Variants in JAK2 observed in about 807,000 individuals in gnomAD.
The protein encoded by JAK2 is tyrosine-protein kinase JAK2.
JAK2 carries 86 observed loss-of-function variants against 139.3 expected under a neutral mutation model. That is an observed-to-expected ratio of 0.62 (90% CI 0.52 to 0.74). The LOEUF (loss-of-function observed/expected upper bound fraction) is 0.74. JAK2 is among the 30% of genes least tolerant of loss of function. JAK2 has a pLI of 0.00. For synonymous variants in JAK2, 490 were observed against 437.7 expected (o/e 1.12, Z -1.49); for missense variants, 1,421 against 1,360.3 (o/e 1.04, Z -0.70).
rs994654346 is a variant in JAK2 at position 5,054,418 on chromosome 9, G to T, written c.615-145G>T. 7 of 612,232 alleles carry T rather than the reference G, an allele frequency of 1.1e-5. No homozygotes were observed. The highest frequency in any genetic ancestry group is 6.0e-5 in the Admixed American group (2 of 33,578). The allele number at this position is 612,232 out of a possible 1,614,324, so 37.9% of individuals were successfully genotyped here. Reference sequence around the variant, plus strand: ...AAAGTTTTATACTGTATGGATGGGGGTTATGTCAACTTACGCCACTTGGCC... The same window carrying T: ...AAAGTTTTATACTGTATGGATGGGGTTTATGTCAACTTACGCCACTTGGCC... On this transcript the variant is annotated intron_variant, in intron 6 of 24. Coordinates refer to ENST00000381652, the MANE Select transcript of JAK2 (RefSeq NM_004972.4). This position sits in a 1 kb window ranked among gnomAD's most constrained non-coding sequence, Gnocchi z 4.9.
At chr9:5,081,923 C>G in intron 19 of JAK2, 62 bp downstream of exon 19, 1 of 1,367,572 alleles carries the variant, frequency 7.3e-7, no homozygotes, top group Non-Finnish European at 1.0e-6. Context: ...AACTTAAGAG[C>G]GTTTCTAAAG....
At chr9:5,050,204 A>G (rs1817315793) in intron 5 of JAK2, among the ~76,000 whole-genome samples, 2 of 152,258 alleles carry the variant, frequency 1.3e-5, no homozygotes, top group African/African-American at 4.8e-5. Flanking sequence ...TTGGGAACCC[A>G]GTGTAAATCA....
intron 3 of JAK2, among the ~76,000 whole-genome samples, chr9:5,027,745 A>G (rs1345274491): frequency 6.6e-6 from 1 of 152,220 alleles, no homozygotes; most frequent in Non-Finnish European, 1.5e-5. Flanking sequence ...TATTCACAGC[A>G]TCTTCACCAG....
intron 22 of JAK2, among the ~76,000 whole-genome samples, chr9:5,117,955 T>A (rs942901397): frequency 6.6e-6 from 1 of 152,246 alleles, no homozygotes; most frequent in Non-Finnish European, 1.5e-5. Context: ...AAAAACCACA[T>A]CCTCTTACAC....
intron 22 of JAK2, chr9:5,100,879 A>ACTAT (rs1821426853): frequency 6.6e-6 from 1 of 152,214 alleles, no homozygotes; most frequent in Non-Finnish European, 1.5e-5. Flanking sequence ...AACATTTCTC[A>ACTAT]CTATCTGCTT....
chr9:5,041,217 TGG>T, intron 4 of JAK2: 1 of 1,467,634 alleles, frequency 6.8e-7, no homozygotes, highest in Non-Finnish European at 9.4e-7. Flanking sequence ...AACTTCCTGG[TGG>T]GGCGCCCGGG....
chr9:5,025,204 GA>G (rs1206801483), intron 3 of JAK2, among the ~76,000 whole-genome samples: 2 of 152,120 alleles, frequency 1.3e-5, no homozygotes, highest in African/African-American at 4.8e-5. Context: ...CATTTTCACT[GA>G]TGTTACTCTT....
intron 19 of JAK2, among the ~76,000 whole-genome samples, chr9:5,082,857 G>C (rs754524789): frequency 3.3e-5 from 5 of 152,234 alleles, no homozygotes; most frequent in Non-Finnish European, 7.3e-5. Flanking sequence ...ATTTTTGTGA[G>C]CTTCAGGTTG....
Position 5,072,594 on chromosome 9 carries a change from G to A in JAK2, c.1744G>A (p.Val582Ile). 3.1e-6 allele frequency: 5 copies of A among 1,609,360 alleles called. No individual in the cohort carries two copies. The highest frequency in any genetic ancestry group is 4.2e-6 in the Non-Finnish European group (5 of 1,177,108). ...GCATGAAACAGAAGTTCTTTTAAAA[G>A]TTCTGGATAAAGCACACAGAAACTA... Reference protein sequence around the residue: ...QLHETEVLLKVLDKAHRNYSE... With the variant: ...QLHETEVLLKILDKAHRNYSE... The change falls in exon 13 of 25, where the codon GTT becomes ATT. Residue 582 changes from valine to isoleucine, a missense_variant. Coordinates refer to ENST00000381652, the MANE Select transcript of JAK2 (RefSeq NM_004972.4).
chr9:5,057,685 C>CAAT (rs1817866615), intron 8 of JAK2, among the ~76,000 whole-genome samples: 1 of 149,948 alleles, frequency 6.7e-6, no homozygotes, highest in Admixed American at 6.7e-5. Context: ...TGGGTTCAAG[C>CAAT]AATTTTCCTG....
intron 2 of JAK2, among the ~76,000 whole-genome samples, chr9:4,998,039 A>G (rs993353175): frequency 5.3e-5 from 8 of 152,200 alleles, no homozygotes; most frequent in Admixed American, 1.3e-4. Flanking sequence ...GCTTAAATTC[A>G]TACTGATTTA....
chr9:4,987,056 C>G (rs531863705), intron 2 of JAK2, among the ~76,000 whole-genome samples: 1 of 152,206 alleles, frequency 6.6e-6, no homozygotes, highest in African/African-American at 2.4e-5. Flanking sequence ...GAATTATTTG[C>G]TTGTACATGC....
Position 5,069,213 on chromosome 9 carries a change from G to T in JAK2, c.1513+5G>T. ...GCTGTCCCCCAAAGCCAAAAGGTAAGATAATTTTCTAGTTATTTTTAAATT... is the reference window on the plus strand; with the variant it reads ...GCTGTCCCCCAAAGCCAAAAGGTAATATAATTTTCTAGTTATTTTTAAATT... On this transcript the variant is annotated splice_donor_5th_base_variant and intron_variant, in intron 11 of 24. Transcript: ENST00000381652. 1 of 1,584,536 alleles carries T rather than the reference G, an allele frequency of 6.3e-7. No homozygotes were observed. Among genetic ancestry groups the T allele is most frequent in the Non-Finnish European group, 8.6e-7 (1 of 1,162,792 alleles).
intron 12 of JAK2, among the ~76,000 whole-genome samples, chr9:5,071,768 AGGAAACAGAGT>A (rs1818963956): frequency 2.0e-5 from 3 of 152,346 alleles, no homozygotes; most frequent in Admixed American, 2.0e-4. Context: ...TGTGAGTAAC[AGGAAACAGAGT>A]GGCCAGGTAA....
intron 4 of JAK2, chr9:5,041,450 C>T (rs897796319): frequency 1.1e-5 from 7 of 616,122 alleles, no homozygotes; most frequent in Non-Finnish European, 1.9e-5. Context: ...CAGCAGCCTC[C>T]CCTGGCAGGG....
At chr9:5,043,337 C>T (rs1816756835) in intron 4 of JAK2, among the ~76,000 whole-genome samples, 1 of 151,584 alleles carries the variant, frequency 6.6e-6, no homozygotes, top group African/African-American at 2.4e-5. Flanking sequence ...AAAATGAAAC[C>T]CTCCGAAAAA....
intron 22 of JAK2, among the ~76,000 whole-genome samples, chr9:5,118,237 A>AT (rs1287892890): frequency 1.3e-5 from 2 of 152,148 alleles, no homozygotes; most frequent in African/African-American, 2.4e-5. Context: ...ATAGACTTTT[A>AT]TTTTTTTGTA....
Position 5,128,065 on chromosome 9 carries a change from A to G in JAK2, c.*1274A>G, listed in dbSNP as rs1824113086. 4.4e-6 allele frequency: 1 copy of G among 225,798 alleles called. No individual in the cohort carries two copies. 14.0% of individuals were successfully genotyped at this position (225,798 alleles called of 1,614,324 possible). On this transcript the variant is annotated 3_prime_UTR_variant, in exon 25 of 25. Coordinates refer to ENST00000381652, the MANE Select transcript of JAK2 (RefSeq NM_004972.4). Reference sequence around the variant, plus strand: ...CCACTTTAGACACCATAGCTAAAATAAAATATGGTGGGTTTTGTGTGTGTG... The same window carrying G: ...CCACTTTAGACACCATAGCTAAAATGAAATATGGTGGGTTTTGTGTGTGTG...
chr9:5,000,873 T>C lies in JAK2; in HGVS notation c.-26+14851T>C, dbSNP rs190246364. ...TTGATAACGTATTGGTTGGTTTGCA[T>C]ATGAAAAGTTGCCCTCACTGTCAGG... On this transcript the variant is annotated intron_variant, in intron 2 of 24. Transcript: ENST00000381652. Among the ~76,000 whole-genome samples, 17 of 152,342 alleles carry C rather than the reference T, an allele frequency of 1.1e-4. No individual in the cohort carries two copies. The East Asian group carries it at 3.3e-3, about 29-fold the overall frequency.
Sources: gnomAD v4.1 joint callset for allele counts (sites outside exome capture counted in the v4.1 genomes callset) on GRCh38, gnomAD v4.1.1 for gene constraint, Gnocchi (gnomAD v3.1) non-coding constraint, MANE v1.5 for transcripts, NCBI Gene and HGNC (gene_info 2026-07-23, HGNC 2026-07-21) for gene names.